The following PDZRN4 variants were observed in gnomAD, a reference collection of about 807,000 sequenced individuals.
PDZRN4 encodes PDZ domain-containing RING finger protein 4.
Under a neutral mutation model 99.0 loss-of-function variants are expected in PDZRN4, and 70 were observed. That is an observed-to-expected ratio of 0.71 (90% CI 0.58 to 0.86). PDZRN4 has a LOEUF of 0.86. Ranked by LOEUF, PDZRN4 falls within the 40% of genes least tolerant of loss-of-function variation. The probability of loss-of-function intolerance (pLI) is 0.00; values close to 1 mark genes in which losing one functional copy is unlikely to be tolerated. For missense variants in PDZRN4, 1,474 were observed against 1,331.2 expected, an observed-to-expected ratio of 1.11 and a Z score of -1.67; for synonymous variants, 551 against 501.6, an observed-to-expected ratio of 1.10 and a Z score of -1.32.
Position 41,557,148 on chromosome 12 carries a change from CAAAAAAAAAAAAAAAAA to C in PDZRN4, c.1365+1397_1365+1413del, listed in dbSNP as rs112787721. 1.7e-4 allele frequency among the ~76,000 whole-genome samples: 10 copies of C among 58,036 alleles called. No homozygotes were observed. The East Asian group carries it at 3.6e-3, about 21-fold the overall frequency. The allele number at this position is 58,036 out of a possible 152,430, so 38.1% of individuals were successfully genotyped here. On this transcript the variant is annotated intron_variant, in intron 7 of 9. Coordinates refer to ENST00000402685, the MANE Select transcript of PDZRN4 (RefSeq NM_001164595.2). ...CCTGGATGACAGAGTGAGACACTCTCAAAAAAAAAAAAAAAAAAAAAAAAAGAATGGCTGCAGGGAGA... is the reference window on the plus strand; with the variant it reads ...CCTGGATGACAGAGTGAGACACTCTCAAAAAAAAGAATGGCTGCAGGGAGA...
At chr12:41,272,133 C>A (rs188325224) in intron 3 of PDZRN4, among the ~76,000 whole-genome samples, 1 of 151,596 alleles carries the variant, frequency 6.6e-6, no homozygotes, top group East Asian at 1.9e-4. Flanking sequence ...CAATAAAAAT[C>A]AAAGATTTTG....
chr12:41,333,756 T>C (rs1951754573), intron 3 of PDZRN4, among the ~76,000 whole-genome samples: 2 of 152,156 alleles, frequency 1.3e-5, no homozygotes, highest in Non-Finnish European at 2.9e-5. Flanking sequence ...TTCCAAATAC[T>C]ATCAAAGAGT....
At chr12:41,450,853 G>GGGATATCCA (rs1443907014) in intron 3 of PDZRN4, among the ~76,000 whole-genome samples, 3 of 152,118 alleles carry the variant, frequency 2.0e-5, no homozygotes, top group Admixed American at 6.6e-5. Context: ...GCTTGAGGCT[G>GGGATATCCA]GGATATCCAG....
At chr12:41,477,837 A>G in intron 3 of PDZRN4, 1 of 1,431,388 alleles carries the variant, frequency 7.0e-7, no homozygotes, top group Non-Finnish European at 9.5e-7. Context: ...TGAAATGCTT[A>G]TCTTTGGATT....
intron 3 of PDZRN4, among the ~76,000 whole-genome samples, chr12:41,366,949 G>A (rs1952004683): frequency 1.3e-5 from 2 of 152,166 alleles, no homozygotes; most frequent in South Asian, 4.1e-4. Flanking sequence ...GGGTGCTGGG[G>A]TGGTGATACA....
chr12:41,516,688 C>A (rs146881823), intron 5 of PDZRN4, among the ~76,000 whole-genome samples: 1 of 151,726 alleles, frequency 6.6e-6, no homozygotes, highest in African/African-American at 2.4e-5. Flanking sequence ...TAAAGAATGA[C>A]GGGGGTTCTG....
chr12:41,281,226 G>A (rs1342915495), intron 3 of PDZRN4, among the ~76,000 whole-genome samples: 1 of 151,876 alleles, frequency 6.6e-6, no homozygotes, highest in African/African-American at 2.4e-5. Context: ...CAACAGCAAA[G>A]ATCAAAGGTA....
At chr12:41,398,408 T>C (rs1219847802) in intron 3 of PDZRN4, among the ~76,000 whole-genome samples, 1 of 149,782 alleles carries the variant, frequency 6.7e-6, no homozygotes, top group Non-Finnish European at 1.5e-5. Flanking sequence ...AAAAAAAAAG[T>C]AGTTCAAGTT....
intron 3 of PDZRN4, among the ~76,000 whole-genome samples, chr12:41,317,867 C>G (rs1918231): frequency 1.3e-5 from 2 of 151,842 alleles, no homozygotes; most frequent in African/African-American, 4.8e-5. Context: ...CAATCGCTTC[C>G]TATTTTTAAC....
chr12:41,501,407 C>T (rs897079288), intron 3 of PDZRN4, among the ~76,000 whole-genome samples: 34 of 152,228 alleles, frequency 2.2e-4, no homozygotes, highest in Non-Finnish European at 4.3e-4. Flanking sequence ...CAGCTCAAAT[C>T]CAAGCTGAGG....
intron 3 of PDZRN4, among the ~76,000 whole-genome samples, chr12:41,339,466 A>T (rs1223491016): frequency 6.6e-6 from 1 of 152,142 alleles, no homozygotes; most frequent in Non-Finnish European, 1.5e-5. Flanking sequence ...AACTAATGAA[A>T]CGACTACAAG....
chr12:41,419,224 T>C (rs1952471026), intron 3 of PDZRN4, among the ~76,000 whole-genome samples: 1 of 152,120 alleles, frequency 6.6e-6, no homozygotes, highest in Admixed American at 6.6e-5. Context: ...TCTGTGAGAG[T>C]CACCATAAAG....
At chr12:41,470,333 G>C (rs988941501) in intron 3 of PDZRN4, among the ~76,000 whole-genome samples, 2 of 152,006 alleles carry the variant, frequency 1.3e-5, no homozygotes, top group Non-Finnish European at 2.9e-5. Flanking sequence ...AAATTAACTT[G>C]GTATTGGATA....
In PDZRN4 at chr12:41,572,544, G is replaced by T. The variant is rs1939500253; in HGVS notation, c.1765G>T (p.Gly589Trp). Residue 589 changes from glycine (G) to tryptophan (W), a missense_variant, in exon 10 of 10, where the codon GGG becomes TGG. Coordinates refer to ENST00000402685, the MANE Select transcript of PDZRN4 (RefSeq NM_001164595.2). ...ATCTTTGAAGAGCAAGAGAGACCTGGGGCAGAGCCAAGACACTCTGGGAAG... is the reference window on the plus strand; with the variant it reads ...ATCTTTGAAGAGCAAGAGAGACCTGTGGCAGAGCCAAGACACTCTGGGAAG... ...STSLKSKRDL[G>W]QSQDTLGSVE... 6.2e-7 allele frequency: 1 copy of T among 1,613,948 alleles called. No individual in the cohort carries two copies. Among genetic ancestry groups the T allele is most frequent in the African/African-American group, 1.3e-5 (1 of 74,922 alleles).
At chr12:41,542,748 T>C (rs1213202235) in intron 5 of PDZRN4, among the ~76,000 whole-genome samples, 1 of 152,196 alleles carries the variant, frequency 6.6e-6, no homozygotes. Context: ...TTAGAAAAGA[T>C]AGAAGGCAAG....
At chr12:41,421,514 GA>G (rs1220291626) in intron 3 of PDZRN4, among the ~76,000 whole-genome samples, 2 of 151,990 alleles carry the variant, frequency 1.3e-5, no homozygotes, top group African/African-American at 4.8e-5. Context: ...TTTTGTTTAG[GA>G]CTCTTGGAAT....
intron 3 of PDZRN4, among the ~76,000 whole-genome samples, chr12:41,334,979 T>C (rs1027583481): frequency 7.2e-5 from 11 of 152,142 alleles, no homozygotes; most frequent in Non-Finnish European, 1.3e-4. Context: ...TGATGTGCTT[T>C]GGAATTCTTA....
intron 3 of PDZRN4, among the ~76,000 whole-genome samples, chr12:41,380,436 A>G (rs1290496091): frequency 1.3e-5 from 2 of 151,710 alleles, no homozygotes; most frequent in Non-Finnish European, 2.9e-5. Context: ...TTTGTCTTCT[A>G]TTGTGACTTG....
intron 3 of PDZRN4, among the ~76,000 whole-genome samples, chr12:41,325,821 T>C (rs1265392087): frequency 6.6e-6 from 1 of 152,112 alleles, no homozygotes; most frequent in Non-Finnish European, 1.5e-5. Context: ...TGATAAGAAA[T>C]AAATAGACTT....
Sources: gnomAD v4.1 joint callset for allele counts (sites outside exome capture counted in the v4.1 genomes callset) on GRCh38, gnomAD v4.1.1 for gene constraint, MANE v1.5 for transcripts, NCBI Gene and HGNC (gene_info 2026-07-23, HGNC 2026-07-21) for gene names.